Variants in FERMT1 observed in about 807,000 individuals in gnomAD.
The protein encoded by FERMT1 is FERM domain containing kindlin 1, also known as fermitin family homolog 1.
FERMT1 carries 60 observed loss-of-function variants against 85.3 expected under a neutral mutation model. The observed-to-expected ratio is 0.70, with a 90% CI of 0.57 to 0.87. The LOEUF (loss-of-function observed/expected upper bound fraction) is 0.87. Ranked by LOEUF, FERMT1 falls within the 40% of genes least tolerant of loss-of-function variation. The pLI is 0.00. For missense variants in FERMT1, 701 were observed against 818.9 expected (o/e 0.86, Z 1.76); for synonymous variants, 275 against 301.1 (o/e 0.91, Z 0.90).
intron 12 of FERMT1, 104 bp from the exon 13 acceptor site, chr20:6,084,268 C>T (rs1431839706): frequency 2.4e-6 from 3 of 1,259,326 alleles, no homozygotes; most frequent in Non-Finnish European, 3.4e-6. Flanking sequence ...CAAGGTCCGT[C>T]TGCAGCTCTA....
chr20:6,114,140 C>T (rs1229332389), intron 3 of FERMT1, among the ~76,000 whole-genome samples: 1 of 152,178 alleles, frequency 6.6e-6, no homozygotes, highest in Non-Finnish European at 1.5e-5. Context: ...CTTGACTCTC[C>T]CCAGCAGCCA....
intron 9 of FERMT1, among the ~76,000 whole-genome samples, chr20:6,089,804 A>G (rs1205624666): frequency 6.6e-6 from 1 of 152,224 alleles, no homozygotes; most frequent in African/African-American, 2.4e-5. Context: ...AACTTTATAC[A>G]GTGGACTAGA....
intron 8 of FERMT1, among the ~76,000 whole-genome samples, chr20:6,096,625 C>T (rs897446876): frequency 3.3e-5 from 5 of 152,028 alleles, no homozygotes; most frequent in Admixed American, 6.6e-5. Flanking sequence ...TGAAGTGGAG[C>T]CCTCAGCAGT....
chr20:6,112,130 C>A (rs992448431), intron 4 of FERMT1, among the ~76,000 whole-genome samples: 55 of 152,234 alleles, frequency 3.6e-4, no homozygotes, highest in African/African-American at 1.1e-3. Flanking sequence ...CCCACCTCAG[C>A]CTCCCAAAGT....
At chr20:6,106,280 C>T (rs1464250939) in intron 6 of FERMT1, among the ~76,000 whole-genome samples, 1 of 152,098 alleles carries the variant, frequency 6.6e-6, no homozygotes, top group African/African-American at 2.4e-5. Flanking sequence ...TTAGAAATGA[C>T]AAGGGACAAG....
At chr20:6,078,633 G>GTTT (rs11480502) in intron 14 of FERMT1, among the ~76,000 whole-genome samples, 7 of 134,672 alleles carry the variant, frequency 5.2e-5, no homozygotes, top group East Asian at 4.2e-4. Flanking sequence ...CTAGTTCAGC[G>GTTT]TTTTTTTTTT....
At position 6,089,058 on chromosome 20, in the gene FERMT1, G is replaced by A. The variant is rs1332637757; in HGVS notation, c.1171C>T (p.Gln391Ter). The change falls in exon 10 of 15, where the codon CAA becomes TAA. Residue 391 changes from glutamine (Q) to a stop codon, truncating the protein, a stop_gained. Coordinates refer to ENST00000217289, the MANE Select transcript of FERMT1 (RefSeq NM_017671.5). LOFTEE classifies it high-confidence loss of function. ...PKKLLPKAFK[Q>*]YWFIFKDTSI... ...GTGTCTTTAAAGATAAACCAATATT[G>A]TTTGAAAGCTTTTGGTAGTAACTTC... is the stretch of plus-strand genomic sequence containing the variant. 1 of 1,612,060 alleles carries A rather than the reference G, an allele frequency of 6.2e-7. No homozygotes were observed. Among genetic ancestry groups the A allele is most frequent in the Non-Finnish European group, 8.5e-7 (1 of 1,178,498 alleles).
At chr20:6,082,558 T>TG (rs1170960856) in intron 13 of FERMT1, among the ~76,000 whole-genome samples, 3 of 152,176 alleles carry the variant, frequency 2.0e-5, no homozygotes, top group Admixed American at 2.0e-4. Flanking sequence ...ACTCCTTTGT[T>TG]GGGGTAAGTA....
In FERMT1 at chr20:6,113,075, C is replaced by T. The variant is rs184037088; in HGVS notation, c.386-452G>A. ...AATTCCCATGTGTTGTCAGAGGGGC[C>T]CAGTGGGAGGTAATTGAATCATGGG... is the stretch of plus-strand genomic sequence containing the variant. On this transcript the variant is annotated intron_variant, in intron 3 of 14. Coordinates refer to ENST00000217289, the MANE Select transcript of FERMT1 (RefSeq NM_017671.5). 3.9e-3 allele frequency among the ~76,000 whole-genome samples: 595 copies of T among 151,984 alleles called. 4 individuals are homozygous for T. Among genetic ancestry groups the T allele is most frequent in the African/African-American group, 0.014 (575 of 41,438 alleles).
chr20:6,093,960 A>G (rs1308651280), intron 9 of FERMT1: 2 of 152,234 alleles, frequency 1.3e-5, no homozygotes, highest in African/African-American at 4.8e-5. Flanking sequence ...TGTCTCAAAA[A>G]AAGAAGAAGA....
chr20:6,082,220 C>T (rs144126419), intron 13 of FERMT1, among the ~76,000 whole-genome samples: 4 of 152,316 alleles, frequency 2.6e-5, no homozygotes, highest in East Asian at 1.9e-4. Context: ...GGAGTTGTCA[C>T]CGGAAAGTTG....
Position 6,105,985 on chromosome 20 carries a change from A to G in FERMT1, c.849+1547T>C, listed in dbSNP as rs529439581. Among the ~76,000 whole-genome samples, 3 of 152,352 alleles carry G rather than the reference A, an allele frequency of 2.0e-5. No individual in the cohort carries two copies. The South Asian group carries it at 6.2e-4, about 32-fold the overall frequency. On this transcript the variant is annotated intron_variant, in intron 6 of 14. Transcript: ENST00000217289. ...GTTAAGCAAGGAAATGCTAAAGTTG[A>G]GTCATGAATGAGGCTTAAATATAAA...
chr20:6,110,053 G>A (rs1169856714), intron 5 of FERMT1, among the ~76,000 whole-genome samples: 3 of 152,170 alleles, frequency 2.0e-5, no homozygotes, highest in African/African-American at 7.2e-5. Flanking sequence ...ATCTGTAGTG[G>A]TAAAGAATTA....
rs142646643 is a variant in FERMT1 at position 6,079,388 on chromosome 20, A to G, written c.1860+48T>C. 5.1e-3 allele frequency: 8,190 copies of G among 1,601,108 alleles called. 34 individuals are homozygous for G. Among genetic ancestry groups the G allele is most frequent in the Non-Finnish European group, 5.8e-3 (6,727 of 1,168,802 alleles). On this transcript the variant is annotated intron_variant, in intron 14 of 14. Coordinates refer to ENST00000217289, the MANE Select transcript of FERMT1 (RefSeq NM_017671.5). Reference sequence around the variant, plus strand: ...TCAGAATAATCTGCAATTCTGAGGGACACACATTTATAGGCTCAACACTGA... The same window carrying G: ...TCAGAATAATCTGCAATTCTGAGGGGCACACATTTATAGGCTCAACACTGA...
At chr20:6,092,555 TTATATC>T (rs1982397864) in intron 9 of FERMT1, among the ~76,000 whole-genome samples, 2 of 150,992 alleles carry the variant, frequency 1.3e-5, no homozygotes, top group South Asian at 2.1e-4. Flanking sequence ...AAAAAAAAAA[TTATATC>T]TACATCTGTG....
At chr20:6,086,500 G>A (rs915107478) in intron 11 of FERMT1, among the ~76,000 whole-genome samples, 2 of 152,158 alleles carry the variant, frequency 1.3e-5, no homozygotes, top group African/African-American at 4.8e-5. Flanking sequence ...GCGTTCTTCA[G>A]TGCAACAGTG....
In FERMT1 at chr20:6,087,883, C is replaced by G; in HGVS notation, c.1265G>C (p.Gly422Ala). 5.1e-6 allele frequency: 8 copies of G among 1,578,164 alleles called. No homozygotes were observed. The highest frequency in any genetic ancestry group is 7.0e-6 in the Non-Finnish European group (8 of 1,147,892). The change falls in exon 11 of 15, where the codon GGC (glycine) becomes GCC (alanine). Residue 422 changes from glycine (G) to alanine (A), a missense_variant and splice_region_variant. Physicochemically the swap from Gly to Ala is moderately conservative, Grantham distance 60. Transcript: ENST00000217289. ...ATTTACATCGGGCACAACTTCGCAG[C>G]CTGAAGGACAAAGATCAGAGACAAA... is the stretch of plus-strand genomic sequence containing the variant. ...GEPLEKLNLR[G>A]CEVVPDVNVA...
chr20:6,075,474 T>C lies in FERMT1; in HGVS notation c.*1699A>G, dbSNP rs1910734745. The C allele has an allele frequency of 6.6e-6, 1 of 152,466 alleles. No individual in the cohort carries two copies. Among genetic ancestry groups the C allele is most frequent in the African/African-American group, 2.4e-5 (1 of 41,578 alleles). The allele number at this position is 152,466 out of a possible 1,614,324, so 9.4% of individuals were successfully genotyped here. On this transcript the variant is annotated 3_prime_UTR_variant, in exon 15 of 15. Coordinates refer to ENST00000217289, the MANE Select transcript of FERMT1 (RefSeq NM_017671.5). ...TATGATGTGAACCAGATTTTCCAAA[T>C]GCCTAAACCACTTCTGAGCTTTAAG...
intron 13 of FERMT1, among the ~76,000 whole-genome samples, chr20:6,083,484 A>G (rs1167258327): frequency 6.6e-6 from 1 of 152,112 alleles, no homozygotes. Context: ...ACAATTCTGC[A>G]AAGCCACACC....
Sources: allele counts gnomAD v4.1 joint callset (sites outside exome capture counted in the v4.1 genomes callset), GRCh38; gene constraint gnomAD v4.1.1; transcripts MANE v1.5; gene names NCBI Gene and HGNC (gene_info 2026-07-23, HGNC 2026-07-21).